Variants in SAMD4A observed in about 807,000 individuals in gnomAD.
SAMD4A encodes the protein sterile alpha motif domain containing 4A.
A neutral mutation model predicts 81.3 loss-of-function variants in SAMD4A; 33 were observed. The ratio of observed to expected loss-of-function variants is 0.41; its 90% confidence interval spans 0.31 to 0.54. The LOEUF (loss-of-function observed/expected upper bound fraction) is 0.54, where lower values mean the gene tolerates loss of function less well. Ranked by LOEUF, SAMD4A falls within the 20% of genes least tolerant of loss-of-function variation. The pLI is 0.37. For missense variants in SAMD4A, 854 were observed against 951.1 expected, an observed-to-expected ratio of 0.90 and a Z score of 1.34; for synonymous variants, 389 against 382.1, an observed-to-expected ratio of 1.02 and a Z score of -0.21.
chr14:54,682,344 C>CCTGTG (rs1269508818), intron 2 of SAMD4A, among the ~76,000 whole-genome samples: 1 of 152,156 alleles, frequency 6.6e-6, no homozygotes, highest in Non-Finnish European at 1.5e-5. Context: ...CTGAGCCATG[C>CCTGTG]CTGTGTAGGA....
chr14:54,735,362 G>A (rs7140661), intron 3 of SAMD4A, among the ~76,000 whole-genome samples: 32,183 of 151,966 alleles, frequency 0.21, 3,943 homozygotes, highest in African/African-American at 0.33. Context: ...GCCTGTTAGT[G>A]TCGATATTTT....
Position 54,790,861 on chromosome 14 carries a change from C to G in SAMD4A, c.*1917C>G, listed in dbSNP as rs1360282230. Reference sequence around the variant, plus strand: ...GATCAAAAACATGCACCCAACCCAGCCTTGGATGCCACCACCAGGTTTTTG... The same window carrying G: ...GATCAAAAACATGCACCCAACCCAGGCTTGGATGCCACCACCAGGTTTTTG... On this transcript the variant is annotated 3_prime_UTR_variant, in exon 13 of 13. Coordinates refer to ENST00000554335, the MANE Select transcript of SAMD4A (RefSeq NM_015589.6). The G allele has an allele frequency of 1.3e-5, 2 of 151,984 alleles. No homozygotes were observed. Among genetic ancestry groups the G allele is most frequent in the African/African-American group, 4.8e-5 (2 of 41,352 alleles). 9.4% of individuals were successfully genotyped at this position (151,984 alleles called of 1,614,324 possible).
intron 11 of SAMD4A, among the ~76,000 whole-genome samples, chr14:54,780,177 C>T (rs1241967477): frequency 2.6e-5 from 4 of 152,164 alleles, no homozygotes; most frequent in African/African-American, 9.7e-5. Flanking sequence ...GGCTGCACAG[C>T]CTTCTGAAAA....
intron 11 of SAMD4A, among the ~76,000 whole-genome samples, chr14:54,776,956 T>C (rs182521542): frequency 2.0e-5 from 3 of 152,234 alleles, no homozygotes; most frequent in South Asian, 2.1e-4. Context: ...GTTTGGGCTT[T>C]TCTTGCAAAG....
intron 2 of SAMD4A, among the ~76,000 whole-genome samples, chr14:54,665,167 AT>A (rs2035730635): frequency 6.6e-6 from 1 of 152,216 alleles, no homozygotes; most frequent in Non-Finnish European, 1.5e-5. Flanking sequence ...GAAGAATAAC[AT>A]TTTACAGTGA....
chr14:54,686,127 A>G (rs2140620863), intron 2 of SAMD4A, among the ~76,000 whole-genome samples: 1 of 152,320 alleles, frequency 6.6e-6, no homozygotes, highest in Admixed American at 6.5e-5. Flanking sequence ...CCTAGAAAGA[A>G]GGGATGCCTT....
chr14:54,568,441 A>G (rs2033016658), intron 2 of SAMD4A, among the ~76,000 whole-genome samples: 7 of 150,770 alleles, frequency 4.6e-5, no homozygotes, highest in Admixed American at 4.6e-4. Context: ...TAGAGTCTGG[A>G]TTTTCTGGGT....
At chr14:54,716,852 A>G (rs920760951) in intron 3 of SAMD4A, among the ~76,000 whole-genome samples, 14 of 152,060 alleles carry the variant, frequency 9.2e-5, no homozygotes, top group Non-Finnish European at 1.9e-4. Context: ...AACAAGTCAC[A>G]TTTATATGAA....
chr14:54,775,066 C>T lies in SAMD4A; in HGVS notation c.1848C>T (p.Thr616=). The part of the protein sequence containing the change: ...VPSARLGLLG[T]SGFVSSNQRN... Reference sequence around the variant, plus strand: ...CCGCCCGCCTGGGCCTCTTGGGCACCAGTGGATTCGTCAGCTCCAACCAGC... The same window carrying T: ...CCGCCCGCCTGGGCCTCTTGGGCACTAGTGGATTCGTCAGCTCCAACCAGC... Residue 616 remains threonine (T), a synonymous_variant, in exon 10 of 13, where the codon ACC becomes ACT. Transcript: ENST00000554335. 2 of 1,614,180 alleles carry T rather than the reference C, an allele frequency of 1.2e-6. No individual in the cohort carries two copies. The highest frequency in any genetic ancestry group is 1.7e-6 in the Non-Finnish European group (2 of 1,180,038).
intron 2 of SAMD4A, among the ~76,000 whole-genome samples, chr14:54,581,136 C>T (rs1192462541): frequency 6.6e-6 from 1 of 152,238 alleles, no homozygotes; most frequent in Non-Finnish European, 1.5e-5. Flanking sequence ...TCAGTTTCCT[C>T]ATCTGTGAAA....
At chr14:54,602,992 C>T (rs1316057881) in intron 2 of SAMD4A, among the ~76,000 whole-genome samples, 2 of 152,136 alleles carry the variant, frequency 1.3e-5, no homozygotes, top group African/African-American at 4.8e-5. Context: ...TTAACAGAAC[C>T]CCCTGGTGAT....
intron 3 of SAMD4A, among the ~76,000 whole-genome samples, chr14:54,716,818 A>G (rs962196621): frequency 2.0e-5 from 3 of 152,038 alleles, no homozygotes; most frequent in Non-Finnish European, 4.4e-5. Flanking sequence ...TGTTTGGATT[A>G]TTTAAGTGGC....
chr14:54,617,600 T>C (rs565910857), intron 2 of SAMD4A, among the ~76,000 whole-genome samples: 17 of 152,334 alleles, frequency 1.1e-4, no homozygotes, highest in African/African-American at 4.1e-4. Context: ...CGTGTACTGA[T>C]ATTGCATGCA....
chr14:54,710,720 C>T (rs1301992244), intron 3 of SAMD4A, among the ~76,000 whole-genome samples: 1 of 152,080 alleles, frequency 6.6e-6, no homozygotes, highest in Non-Finnish European at 1.5e-5. Flanking sequence ...AAGCAGGGAG[C>T]AGTCTTTGCA....
At chr14:54,731,997 G>A (rs2037568836) in intron 3 of SAMD4A, among the ~76,000 whole-genome samples, 1 of 152,182 alleles carries the variant, frequency 6.6e-6, no homozygotes, top group Non-Finnish European at 1.5e-5. Flanking sequence ...GCTTGAATTT[G>A]AGGAGATAGT....
intron 3 of SAMD4A, among the ~76,000 whole-genome samples, chr14:54,721,215 G>C (rs534609656): frequency 6.6e-6 from 1 of 152,138 alleles, no homozygotes; most frequent in Non-Finnish European, 1.5e-5. Flanking sequence ...GCATTCCATT[G>C]TCTAAAACTC....
At chr14:54,694,690 A>C (rs774971386) in intron 2 of SAMD4A, 1 of 985,312 alleles carries the variant, frequency 1.0e-6, no homozygotes, top group Non-Finnish European at 1.2e-6. Context: ...CCCTCTGGGA[A>C]TGGCCAGCCT....
intron 9 of SAMD4A, among the ~76,000 whole-genome samples, chr14:54,773,269 CT>C (rs2038752621): frequency 6.6e-6 from 1 of 152,228 alleles, no homozygotes; most frequent in South Asian, 2.1e-4. Context: ...GCACAGCTCT[CT>C]TTCTCAGGAA....
At chr14:54,627,178 C>T (rs569693980) in intron 2 of SAMD4A, among the ~76,000 whole-genome samples, 2 of 152,318 alleles carry the variant, frequency 1.3e-5, no homozygotes, top group Non-Finnish European at 2.9e-5. Context: ...ACTTACCCTA[C>T]CCTAGCTCAA....
Sources: gnomAD v4.1 joint callset for allele counts (sites outside exome capture counted in the v4.1 genomes callset) on GRCh38, gnomAD v4.1.1 for gene constraint, MANE v1.5 for transcripts, NCBI Gene and HGNC (gene_info 2026-07-23, HGNC 2026-07-21) for gene names.